PDCD7: variants seen among roughly 807,000 people sequenced by gnomAD.
The protein encoded by PDCD7 is programmed cell death 7.
A neutral mutation model predicts 42.1 loss-of-function variants in PDCD7; 40 were observed. The ratio of observed to expected loss-of-function variants is 0.95; its 90% CI spans 0.74 to 1.24. The LOEUF is 1.24. PDCD7 is among the 50% of genes most tolerant of loss of function. The pLI, the probability that PDCD7 is intolerant of heterozygous loss-of-function variation, is 0.00. For synonymous variants in PDCD7, 299 were observed against 303.3 expected, an observed-to-expected ratio of 0.99 and a Z score of 0.15; for missense variants, 644 against 662.8, an observed-to-expected ratio of 0.97 and a Z score of 0.31.
chr15:65,128,355 G>C lies in PDCD7; in HGVS notation c.1009+677C>G, dbSNP rs1490717099. Among the ~76,000 whole-genome samples the C allele has an allele frequency of 2.0e-5, 3 of 152,222 alleles. No homozygotes were observed. The East Asian group carries it at 5.8e-4, about 29-fold the overall frequency. ...AATAGTGAGATCTTAAAATGGCAAAGATGGGACTGAGGGCCCTCCAGATGA... is the reference window on the plus strand; with the variant it reads ...AATAGTGAGATCTTAAAATGGCAAACATGGGACTGAGGGCCCTCCAGATGA... On this transcript the variant is annotated intron_variant, in intron 2 of 4. Transcript: ENST00000204549.
At chr15:65,126,380 A>G (rs1255016076) in intron 2 of PDCD7, among the ~76,000 whole-genome samples, 1 of 152,156 alleles carries the variant, frequency 6.6e-6, no homozygotes, top group African/African-American at 2.4e-5. Flanking sequence ...GATGTACCAC[A>G]CACACCTCAA....
chr15:65,129,516 CTAGACCTGA>C (rs2087522787), intron 1 of PDCD7, among the ~76,000 whole-genome samples: 1 of 152,140 alleles, frequency 6.6e-6, no homozygotes, highest in South Asian at 2.1e-4. Flanking sequence ...TGCAGATTCC[CTAGACCTGA>C]AGATTCAGAT....
intron 2 of PDCD7, among the ~76,000 whole-genome samples, chr15:65,122,606 G>A (rs1417377516): frequency 6.6e-6 from 1 of 152,136 alleles, no homozygotes; most frequent in Non-Finnish European, 1.5e-5. Flanking sequence ...TACTTATCAA[G>A]TTCCCTACTC....
chr15:65,123,002 C>CA (rs537382444), intron 2 of PDCD7, among the ~76,000 whole-genome samples: 1,303 of 129,544 alleles, frequency 0.01, 8 homozygotes, highest in Non-Finnish European at 0.013. Context: ...AACTCTGTCT[C>CA]AAAAAAAAAA....
At chr15:65,120,392 TC>T (rs1213273470) in intron 2 of PDCD7, among the ~76,000 whole-genome samples, 1 of 151,932 alleles carries the variant, frequency 6.6e-6, no homozygotes, top group Non-Finnish European at 1.5e-5. Flanking sequence ...GGTCAAGCAA[TC>T]CCCCTGCCTT....
intron 1 of PDCD7, among the ~76,000 whole-genome samples, chr15:65,130,319 G>C (rs1389486347): frequency 1.3e-5 from 2 of 151,580 alleles, no homozygotes; most frequent in African/African-American, 4.9e-5. Context: ...ACCATGCCCA[G>C]CTAATTTTTT....
At chr15:65,132,488 G>A (rs907984949) in intron 1 of PDCD7, among the ~76,000 whole-genome samples, 4 of 152,066 alleles carry the variant, frequency 2.6e-5, no homozygotes, top group Admixed American at 2.0e-4. Context: ...CTGACCTCGT[G>A]ATCCACCCGC....
intron 2 of PDCD7, among the ~76,000 whole-genome samples, chr15:65,121,088 T>G (rs2087451079): frequency 6.7e-6 from 1 of 150,050 alleles, no homozygotes; most frequent in African/African-American, 2.5e-5. Flanking sequence ...GGAGTTTCAT[T>G]CTTGTTGCCC....
intron 2 of PDCD7, among the ~76,000 whole-genome samples, chr15:65,125,096 G>A (rs2087485525): frequency 6.6e-6 from 1 of 152,194 alleles, no homozygotes; most frequent in Non-Finnish European, 1.5e-5. Context: ...CAGCAGACAG[G>A]AAATCCCTCA....
At chr15:65,120,289 C>T (rs1465686695) in intron 2 of PDCD7, among the ~76,000 whole-genome samples, 1 of 152,076 alleles carries the variant, frequency 6.6e-6, no homozygotes, top group Admixed American at 6.6e-5. Flanking sequence ...GTAGCTGGGA[C>T]CACAGGCACG....
At chr15:65,132,855 C>CT in intron 1 of PDCD7, 57 bp downstream of exon 1, 1 of 1,588,896 alleles carries the variant, frequency 6.3e-7, no homozygotes, top group African/African-American at 1.3e-5. Context: ...AAGCCTCCTG[C>CT]TGCTCCAGGT....
At chr15:65,124,880 T>G (rs1028168808) in intron 2 of PDCD7, among the ~76,000 whole-genome samples, 2 of 152,176 alleles carry the variant, frequency 1.3e-5, no homozygotes, top group African/African-American at 4.8e-5. Flanking sequence ...ACAGTACTAC[T>G]GGAAGAGGTC....
chr15:65,127,246 A>C (rs2140583442), intron 2 of PDCD7, among the ~76,000 whole-genome samples: 1 of 152,248 alleles, frequency 6.6e-6, no homozygotes, highest in Non-Finnish European at 1.5e-5. Flanking sequence ...TCATGAGGTC[A>C]GGAGATCGAG....
chr15:65,119,469 A>G lies in PDCD7; in HGVS notation c.1247-6T>C. 6.2e-7 allele frequency: 1 copy of G among 1,600,204 alleles called. No individual in the cohort carries two copies. The highest frequency in any genetic ancestry group is 8.6e-7 in the Non-Finnish European group (1 of 1,167,370). On this transcript the variant is annotated splice_polypyrimidine_tract_variant and splice_region_variant and intron_variant, in intron 3 of 4. Coordinates refer to ENST00000204549, the MANE Select transcript of PDCD7 (RefSeq NM_005707.2). ...GTGAGCAAGTGGGAACTCATCTGAA[A>G]GAGAAAAGCACAATACCACGTTATC... is the stretch of plus-strand genomic sequence containing the variant.
chr15:65,131,502 A>C (rs1281023916), intron 1 of PDCD7, among the ~76,000 whole-genome samples: 2 of 152,190 alleles, frequency 1.3e-5, no homozygotes, highest in African/African-American at 4.8e-5. Flanking sequence ...TAATCCCAGC[A>C]CTTTGGCAGG....
At chr15:65,128,965 T>TG (rs2087517520) in intron 2 of PDCD7, 67 bp downstream of exon 2, 2 of 1,540,892 alleles carry the variant, frequency 1.3e-6, no homozygotes, top group Non-Finnish European at 1.8e-6. Flanking sequence ...CAATAATATT[T>TG]GGGGTGGGAG....
Position 65,119,958 on chromosome 15 carries a change from G to C in PDCD7, c.1010-4C>G, listed in dbSNP as rs115863831. 1,288 of 1,596,066 alleles carry C rather than the reference G, an allele frequency of 8.1e-4. 9 individuals carry two copies. The African/African-American group carries it at 0.016, about 19-fold the overall frequency. On this transcript the variant is annotated splice_polypyrimidine_tract_variant and splice_region_variant and intron_variant, in intron 2 of 4. Transcript: ENST00000204549. ...GCTGAGGCTGGAGGACAGACCCCTGGGCAGACAGGACAAAATGGCATTTTA... is the reference window on the plus strand; with the variant it reads ...GCTGAGGCTGGAGGACAGACCCCTGCGCAGACAGGACAAAATGGCATTTTA...
At chr15:65,119,495 A>G (rs752869587) in intron 3 of PDCD7, 32 bp from the exon 4 acceptor site, 32 of 1,452,206 alleles carry the variant, frequency 2.2e-5, no homozygotes, top group Non-Finnish European at 3.0e-5. Context: ...CCACGTTATC[A>G]TGCTTGATAT....
chr15:65,122,208 C>T (rs553943601), intron 2 of PDCD7, among the ~76,000 whole-genome samples: 23 of 152,090 alleles, frequency 1.5e-4, no homozygotes, highest in Admixed American at 1.3e-4. Context: ...TGGTGGCGTG[C>T]GCCTGTAGTT....
Sources: gnomAD v4.1 joint callset for allele counts (sites outside exome capture counted in the v4.1 genomes callset) on GRCh38, gnomAD v4.1.1 for gene constraint, MANE v1.5 for transcripts, NCBI Gene and HGNC (gene_info 2026-07-23, HGNC 2026-07-21) for gene names.